Variants in ATF6 observed in about 807,000 individuals in gnomAD.
ATF6 encodes the protein cyclic AMP-dependent transcription factor ATF-6 alpha.
In ATF6, 53 loss-of-function variants were observed where a neutral mutation model predicts 83.6. The observed-to-expected ratio is 0.63, with a 90% CI of 0.51 to 0.80. The LOEUF (loss-of-function observed/expected upper bound fraction) is 0.80. Ranked by LOEUF, ATF6 falls within the 30% of genes least tolerant of loss-of-function variation. The pLI, the probability that ATF6 is intolerant of heterozygous loss-of-function variation, is 0.00. For synonymous variants in ATF6, 288 were observed against 285.8 expected (o/e 1.01, Z -0.08); for missense variants, 744 against 797.9 (o/e 0.93, Z 0.81).
intron 6 of ATF6, among the ~76,000 whole-genome samples, chr1:161,801,017 A>T (rs1342259194): frequency 1.3e-5 from 2 of 152,156 alleles, no homozygotes; most frequent in African/African-American, 4.8e-5. Flanking sequence ...TGTCATTATT[A>T]TAGATTGAGT....
chr1:161,886,482 T>C (rs1406230158), intron 14 of ATF6, among the ~76,000 whole-genome samples: 1 of 152,222 alleles, frequency 6.6e-6, no homozygotes, highest in African/African-American at 2.4e-5. Flanking sequence ...ACAAACGTCA[T>C]AGAGTATACT....
At position 161,940,990 on chromosome 1, in the gene ATF6, T is replaced by C. The variant is rs188143018; in HGVS notation, c.1805-17456T>C. On this transcript the variant is annotated intron_variant, in intron 15 of 15. Coordinates refer to ENST00000367942, the MANE Select transcript of ATF6 (RefSeq NM_007348.4). ...TGATACCAGTTTACATAGCTGCCTCTTTTCCTAGATGCAAGTGCCTTGGTC... is the reference window on the plus strand; with the variant it reads ...TGATACCAGTTTACATAGCTGCCTCCTTTCCTAGATGCAAGTGCCTTGGTC... Among the ~76,000 whole-genome samples, 749 of 152,322 alleles carry C rather than the reference T, an allele frequency of 4.9e-3. 4 individuals are homozygous for C. The highest frequency in any genetic ancestry group is 7.4e-3 in the Non-Finnish European group (504 of 68,016).
intron 7 of ATF6, among the ~76,000 whole-genome samples, chr1:161,803,736 T>A (rs191414942): frequency 6.6e-6 from 1 of 152,328 alleles, no homozygotes; most frequent in African/African-American, 2.4e-5. Context: ...ATATTTTCAA[T>A]TAAAAAGTTG....
At chr1:161,929,319 A>G (rs1034984211) in intron 15 of ATF6, among the ~76,000 whole-genome samples, 3 of 152,196 alleles carry the variant, frequency 2.0e-5, no homozygotes, top group Non-Finnish European at 2.9e-5. Context: ...GACATAGACC[A>G]TAGCTTACAT....
intron 4 of ATF6, among the ~76,000 whole-genome samples, chr1:161,789,013 T>G (rs538855963): frequency 6.6e-6 from 1 of 152,052 alleles, no homozygotes; most frequent in Admixed American, 6.5e-5. Context: ...TATTTTTAAC[T>G]TTTTTTGGGT....
chr1:161,877,157 T>C (rs116092449), intron 14 of ATF6, among the ~76,000 whole-genome samples: 1,976 of 152,174 alleles, frequency 0.013, 47 homozygotes, highest in African/African-American at 0.044. Flanking sequence ...GTTTAGTTTT[T>C]TCATGCACTC....
chr1:161,790,991 A>G (rs1368439125), intron 4 of ATF6, among the ~76,000 whole-genome samples: 1 of 152,186 alleles, frequency 6.6e-6, no homozygotes, highest in Admixed American at 6.5e-5. Flanking sequence ...TTATGGAGAA[A>G]GGATATTGGC....
At chr1:161,806,127 A>T (rs1685274662) in intron 7 of ATF6, among the ~76,000 whole-genome samples, 1 of 152,232 alleles carries the variant, frequency 6.6e-6, no homozygotes, top group South Asian at 2.1e-4. Context: ...TCCTGATGGA[A>T]AAAATGAACA....
At chr1:161,908,710 T>A (rs1687925902) in intron 14 of ATF6, among the ~76,000 whole-genome samples, 1 of 152,218 alleles carries the variant, frequency 6.6e-6, no homozygotes, top group Admixed American at 6.5e-5. Flanking sequence ...TGACATTGTT[T>A]TGAGTGACAG....
intron 14 of ATF6, among the ~76,000 whole-genome samples, chr1:161,889,335 A>G (rs1009568327): frequency 2.1e-4 from 32 of 152,330 alleles, no homozygotes; most frequent in African/African-American, 7.2e-4. Context: ...CATGGGGTCC[A>G]CTGAGGCCTT....
chr1:161,900,362 A>G (rs1687757886), intron 14 of ATF6, among the ~76,000 whole-genome samples: 1 of 152,198 alleles, frequency 6.6e-6, no homozygotes, highest in East Asian at 1.9e-4. Flanking sequence ...ACTTTTGCTT[A>G]TAAATAATTA....
At chr1:161,782,197 T>A (rs547742427) in intron 3 of ATF6, among the ~76,000 whole-genome samples, 198 bp downstream of exon 3, 7 of 152,244 alleles carry the variant, frequency 4.6e-5, no homozygotes, top group Non-Finnish European at 8.8e-5. Flanking sequence ...TTCATAGTTA[T>A]GTTTCAGTAG....
At chr1:161,887,942 T>A (rs575585100) in intron 14 of ATF6, among the ~76,000 whole-genome samples, 1 of 152,306 alleles carries the variant, frequency 6.6e-6, no homozygotes, top group Admixed American at 6.5e-5. Context: ...CAGTATTAAT[T>A]TCATGGATCA....
intron 14 of ATF6, among the ~76,000 whole-genome samples, chr1:161,879,637 A>G (rs1687284823): frequency 6.6e-6 from 1 of 152,152 alleles, no homozygotes; most frequent in Non-Finnish European, 1.5e-5. Flanking sequence ...CCTTACTTAA[A>G]GCTATTACAT....
At chr1:161,789,059 A>C (rs183070780) in intron 4 of ATF6, among the ~76,000 whole-genome samples, 145 of 151,938 alleles carry the variant, frequency 9.5e-4, no homozygotes, top group African/African-American at 3.3e-3. Flanking sequence ...GGTACATGAG[A>C]TGTTTTGACA....
chr1:161,878,724 T>C (rs1181556973), intron 14 of ATF6, among the ~76,000 whole-genome samples: 1 of 152,090 alleles, frequency 6.6e-6, no homozygotes, highest in African/African-American at 2.4e-5. Flanking sequence ...GAAGGAGTGG[T>C]TTATTCTTGA....
At chr1:161,807,138 T>C (rs1685303793) in intron 7 of ATF6, among the ~76,000 whole-genome samples, 2 of 152,180 alleles carry the variant, frequency 1.3e-5, no homozygotes, top group African/African-American at 4.8e-5. Flanking sequence ...GGACCTTGCA[T>C]TCTTTGCATA....
chr1:161,893,040 T>C (rs567252771), intron 14 of ATF6, among the ~76,000 whole-genome samples: 32 of 152,344 alleles, frequency 2.1e-4, no homozygotes, highest in African/African-American at 7.2e-4. Context: ...GTTGGTATTT[T>C]TAAAGTTCAG....
chr1:161,890,705 G>C (rs764003401), intron 14 of ATF6: 1 of 152,336 alleles, frequency 6.6e-6, no homozygotes, highest in Non-Finnish European at 1.5e-5. Context: ...ACAGAGCTTT[G>C]GTAGGGCTGG....
Sources: allele counts gnomAD v4.1 joint callset (sites outside exome capture counted in the v4.1 genomes callset), GRCh38; gene constraint gnomAD v4.1.1; transcripts MANE v1.5; gene names NCBI Gene and HGNC (gene_info 2026-07-23, HGNC 2026-07-21).